MAMDC2: variants seen among roughly 807,000 people sequenced by gnomAD.
MAMDC2 encodes MAM domain containing 2, also known as MAM domain-containing protein 2.
In MAMDC2, 57 loss-of-function variants were observed where a neutral mutation model predicts 89.8. The observed-to-expected ratio is 0.63, with a 90% CI of 0.51 to 0.79. The LOEUF is 0.79. MAMDC2 is among the 30% of genes least tolerant of loss of function. MAMDC2 has a pLI of 0.00. For synonymous variants in MAMDC2, 313 were observed against 293.4 expected (o/e 1.07, Z -0.68); for missense variants, 800 against 820.6 (o/e 0.97, Z 0.31).
chr9:70,145,143 C>G (rs2031357733), intron 9 of MAMDC2, among the ~76,000 whole-genome samples: 1 of 152,174 alleles, frequency 6.6e-6, no homozygotes, highest in Non-Finnish European at 1.5e-5. Flanking sequence ...CACAATCTTA[C>G]AGAAACGGCT....
intron 11 of MAMDC2, among the ~76,000 whole-genome samples, chr9:70,204,769 T>G (rs1181517649): frequency 6.6e-6 from 1 of 152,098 alleles, no homozygotes; most frequent in East Asian, 1.9e-4. Flanking sequence ...TGCGCCGTTT[T>G]TTAAGCCGGT....
intron 11 of MAMDC2, among the ~76,000 whole-genome samples, chr9:70,207,443 G>A (rs138864032): frequency 0.019 from 2,873 of 152,236 alleles, 42 homozygotes; most frequent in Non-Finnish European, 0.032. Flanking sequence ...AGAAGTGTCC[G>A]TTCATATCCT....
intron 11 of MAMDC2, among the ~76,000 whole-genome samples, chr9:70,180,833 G>A (rs2032630609): frequency 6.6e-6 from 1 of 152,160 alleles, no homozygotes; most frequent in Non-Finnish European, 1.5e-5. Flanking sequence ...AGTTTCTTTT[G>A]CTGTGCAGAA....
chr9:70,114,225 G>A (rs1328701642), intron 5 of MAMDC2, among the ~76,000 whole-genome samples: 1 of 147,910 alleles, frequency 6.8e-6, no homozygotes, highest in African/African-American at 2.5e-5. Context: ...CCCTGTAACA[G>A]CCAGGCAGAC....
At chr9:70,204,728 T>C (rs1300393648) in intron 11 of MAMDC2, among the ~76,000 whole-genome samples, 2 of 151,862 alleles carry the variant, frequency 1.3e-5, no homozygotes, top group South Asian at 2.1e-4. Flanking sequence ...CGTAGGACCC[T>C]CCGAGCCAGG....
intron 2 of MAMDC2, among the ~76,000 whole-genome samples, chr9:70,067,558 A>C (rs1171750570): frequency 6.6e-6 from 1 of 152,212 alleles, no homozygotes; most frequent in Non-Finnish European, 1.5e-5. Flanking sequence ...TATCAAGTAC[A>C]GGACAAAAAG....
chr9:70,214,379 A>G (rs2033408392), intron 11 of MAMDC2, among the ~76,000 whole-genome samples: 1 of 152,210 alleles, frequency 6.6e-6, no homozygotes, highest in African/African-American at 2.4e-5. Flanking sequence ...AGGCAGCAGC[A>G]TACCTGCCAT....
chr9:70,147,463 T>C (rs965740959), intron 9 of MAMDC2, among the ~76,000 whole-genome samples: 3 of 149,920 alleles, frequency 2.0e-5, no homozygotes, highest in African/African-American at 7.4e-5. Flanking sequence ...TGCTTTTCTC[T>C]CTCTTCCTCG....
rs748772169 is a variant in MAMDC2 at position 70,108,423 on chromosome 9, C to G, written c.361C>G (p.Pro121Ala). ...FDRLLWSAKE[P>A]SDSWLIASLD... ...TCGCTTGCTTTGGTCAGCTAAGGAA[C>G]CTTCAGACAGCTGGCTCATAGCCAG... Residue 121 changes from proline (P) to alanine (A), a missense_variant, in exon 3 of 14, where the codon CCT becomes GCT. Coordinates refer to ENST00000377182, the MANE Select transcript of MAMDC2 (RefSeq NM_153267.5). 1 of 1,613,426 alleles carries G rather than the reference C, an allele frequency of 6.2e-7. No individual in the cohort carries two copies. Among genetic ancestry groups the G allele is most frequent in the Non-Finnish European group, 8.5e-7 (1 of 1,179,790 alleles).
intron 2 of MAMDC2, among the ~76,000 whole-genome samples, chr9:70,081,245 A>AAT (rs1827647197): frequency 1.3e-5 from 2 of 152,014 alleles, no homozygotes; most frequent in African/African-American, 4.8e-5. Context: ...GGTTTGGTCT[A>AAT]GTGATAGATG....
chr9:70,143,661 T>C lies in MAMDC2; in HGVS notation c.1246T>C (p.Tyr416His), dbSNP rs1295584781. 3 of 1,614,206 alleles carry C rather than the reference T, an allele frequency of 1.9e-6. No homozygotes were observed. The highest frequency in any genetic ancestry group is 2.2e-5 in the South Asian group (2 of 91,086). ...GNLQYCLRFH[Y>H]AIYGFLKMSD... ...CTTGCAGTATTGTCTGCGTTTTCAT[T>C]ATGCCATCTATGGATTTTTAAAAAT... The change falls in exon 9 of 14, where the codon TAT (tyrosine) becomes CAT (histidine). Residue 416 changes from tyrosine to histidine, a missense_variant. Tyr to His is a moderately conservative substitution (Grantham distance 83). Transcript: ENST00000377182.
chr9:70,109,733 G>A lies in MAMDC2; in HGVS notation c.434G>A (p.Gly145Asp), dbSNP rs146519251. Residue 145 changes from glycine to aspartate, a missense_variant, in exon 4 of 14, where the codon GGT becomes GAT. Physicochemically the swap from Gly to Asp is moderately conservative, Grantham distance 94. Transcript: ENST00000377182. The part of the protein sequence containing the change: ...SSKKFKILIE[G>D]VLGQGNTASI... ...TATGTTGTGCAGATTTTAATAGAAG[G>A]TGTACTAGGACAGGGAAACACAGCC... The A allele has an allele frequency of 6.2e-7, 1 of 1,613,290 alleles. No homozygotes were observed. Among genetic ancestry groups the A allele is most frequent in the Admixed American group, 1.7e-5 (1 of 59,982 alleles).
chr9:70,123,817 C>T (rs1184876832), intron 5 of MAMDC2, among the ~76,000 whole-genome samples: 1 of 152,094 alleles, frequency 6.6e-6, no homozygotes, highest in Non-Finnish European at 1.5e-5. Flanking sequence ...CAAAGATTGC[C>T]AGCACACCAC....
At chr9:70,047,540 T>C (rs1359496899) in intron 2 of MAMDC2, among the ~76,000 whole-genome samples, 3 of 152,224 alleles carry the variant, frequency 2.0e-5, no homozygotes, top group Non-Finnish European at 4.4e-5. Flanking sequence ...ACTCACTCTT[T>C]GGTATTGCTG....
intron 2 of MAMDC2, among the ~76,000 whole-genome samples, chr9:70,063,512 A>G (rs1156487727): frequency 6.6e-6 from 1 of 152,190 alleles, no homozygotes; most frequent in African/African-American, 2.4e-5. Flanking sequence ...GGAAATATGT[A>G]TTTAATAAGT....
At chr9:70,048,250 C>T (rs1251587248) in intron 2 of MAMDC2, among the ~76,000 whole-genome samples, 1 of 152,070 alleles carries the variant, frequency 6.6e-6, no homozygotes, top group East Asian at 1.9e-4. Context: ...GAATTGAATC[C>T]GGCAAAGAAG....
chr9:70,176,786 T>A (rs1434625992), intron 11 of MAMDC2, among the ~76,000 whole-genome samples: 2 of 152,134 alleles, frequency 1.3e-5, no homozygotes, highest in Non-Finnish European at 2.9e-5. Flanking sequence ...TAGCATTAGG[T>A]TGAAGGTGTT....
chr9:70,216,302 G>T (rs1026218159), intron 11 of MAMDC2: 3 of 152,204 alleles, frequency 2.0e-5, no homozygotes, highest in Non-Finnish European at 4.4e-5. Flanking sequence ...CAGTTGTGGA[G>T]GCTGGAAAGT....
intron 2 of MAMDC2, among the ~76,000 whole-genome samples, chr9:70,088,148 A>G (rs908834791): frequency 1.3e-5 from 2 of 152,112 alleles, no homozygotes; most frequent in African/African-American, 4.8e-5. Context: ...CCTTGGTTCC[A>G]TTCCATTTAC....
Sources: allele counts gnomAD v4.1 joint callset (sites outside exome capture counted in the v4.1 genomes callset), GRCh38; gene constraint gnomAD v4.1.1; transcripts MANE v1.5; gene names NCBI Gene and HGNC (gene_info 2026-07-23, HGNC 2026-07-21).